The following ARHGEF33 variants were observed in gnomAD, a reference collection of about 807,000 sequenced individuals.
ARHGEF33 encodes the protein DH and coiled-coil domain-containing protein ENSP00000381780.
Under a neutral mutation model 101.9 loss-of-function variants are expected in ARHGEF33, and 72 were observed. The observed-to-expected ratio is 0.71, with a 90% CI of 0.58 to 0.86. The LOEUF is 0.86. ARHGEF33 is among the 40% of genes least tolerant of loss of function. The pLI is 0.00. For synonymous variants in ARHGEF33, 499 were observed against 442.5 expected (o/e 1.13, Z -1.60); for missense variants, 1,169 against 1,111.3 (o/e 1.05, Z -0.74).
chr2:38,966,722 C>T (rs768164169), intron 17 of ARHGEF33, among the ~76,000 whole-genome samples: 24 of 152,192 alleles, frequency 1.6e-4, no homozygotes, highest in Non-Finnish European at 3.2e-4. Flanking sequence ...AGGCATTTTC[C>T]TCCTGTGGTC....
rs929373313 is a variant in ARHGEF33 at position 38,937,142 on chromosome 2, C to A, written c.566-193C>A. The A allele has an allele frequency of 4.2e-5, 21 of 499,990 alleles. 1 individual carries two copies. The East Asian group carries it at 4.4e-4, about 10-fold the overall frequency. The allele number at this position is 499,990 out of a possible 1,614,324, so 31.0% of individuals were successfully genotyped here. A position where few individuals can be genotyped will look rare whatever the true frequency, so the allele number is the denominator to read the frequency against. ...CCTGAGTAGCTGGGACTACAGGTGC[C>A]CGCCACCACGCCCAGCTAATTTTTT... is the stretch of plus-strand genomic sequence containing the variant. On this transcript the variant is annotated intron_variant, in intron 8 of 17. Coordinates refer to ENST00000409978, the MANE Select transcript of ARHGEF33 (RefSeq NM_001145451.5).
At chr2:38,933,334 A>T (rs569331726) in intron 7 of ARHGEF33, among the ~76,000 whole-genome samples, 1 of 152,052 alleles carries the variant, frequency 6.6e-6, no homozygotes, top group African/African-American at 2.4e-5. Flanking sequence ...AGGGCAAGTT[A>T]TCTAAAAGAA....
chr2:38,956,608 G>T (rs1049210859), intron 13 of ARHGEF33, among the ~76,000 whole-genome samples: 1 of 152,148 alleles, frequency 6.6e-6, no homozygotes, highest in African/African-American at 2.4e-5. Flanking sequence ...TTAGAATGCC[G>T]CTATTATTTC....
At chr2:38,967,742 ATTTTTT>A (rs546430517) in intron 17 of ARHGEF33, among the ~76,000 whole-genome samples, 1 of 128,368 alleles carries the variant, frequency 7.8e-6, no homozygotes, top group Non-Finnish European at 1.7e-5. Context: ...CGCCCTGGCT[ATTTTTT>A]TTTTTTTTTT....
chr2:38,950,898 C>A, intron 10 of ARHGEF33, 91 bp from the exon 11 acceptor site: 1 of 1,258,334 alleles, frequency 7.9e-7, no homozygotes, highest in South Asian at 1.5e-5. Context: ...TGTTGGATGG[C>A]TGGGAGAATG....
At chr2:38,915,931 C>T (rs766932990) in intron 2 of ARHGEF33, among the ~76,000 whole-genome samples, 16 of 152,094 alleles carry the variant, frequency 1.1e-4, no homozygotes, top group Non-Finnish European at 1.5e-4. Context: ...GAGGCTGAGG[C>T]AGGTGGGTCC....
intron 12 of ARHGEF33, 84 bp from the exon 13 acceptor site, chr2:38,954,289 T>G: frequency 1.3e-6 from 1 of 794,310 alleles, no homozygotes; most frequent in Non-Finnish European, 2.1e-6. Context: ...AGGAAACCCT[T>G]CCTACCCTGG....
chr2:38,927,652 T>C (rs1380392465), intron 4 of ARHGEF33, among the ~76,000 whole-genome samples: 12 of 152,208 alleles, frequency 7.9e-5, no homozygotes, highest in Non-Finnish European at 2.9e-5. Context: ...GCCAAGATCA[T>C]GCCACTGCAC....
At chr2:38,957,502 A>G (rs532201979) in intron 14 of ARHGEF33, among the ~76,000 whole-genome samples, 1 of 152,348 alleles carries the variant, frequency 6.6e-6, no homozygotes, top group Non-Finnish European at 1.5e-5. Flanking sequence ...TCCTTTTTAG[A>G]GTTGGACAGT....
At chr2:38,941,506 C>G (rs537334464) in intron 9 of ARHGEF33, among the ~76,000 whole-genome samples, 1 of 152,018 alleles carries the variant, frequency 6.6e-6, no homozygotes, top group Non-Finnish European at 1.5e-5. Flanking sequence ...AAGTCCAGTA[C>G]CATTCTGATA....
rs772939186 is a variant in ARHGEF33 at position 38,960,005 on chromosome 2, C to T, written c.1700C>T (p.Ala567Val). 89 of 1,549,554 alleles carry T rather than the reference C, an allele frequency of 5.7e-5. No individual in the cohort carries two copies. In the Admixed American group the frequency reaches 1.3e-3, roughly 22 times the overall value. The change falls in exon 16 of 18, where the codon GCG becomes GTG. Residue 567 changes from alanine (A) to valine (V), a missense_variant. By Grantham distance (64) the Ala-to-Val change is moderately conservative (BLOSUM62 0). Coordinates refer to ENST00000409978, the MANE Select transcript of ARHGEF33 (RefSeq NM_001145451.5). ...TGCGCGGCCGAGCAGGACGTGAAGG[C>T]GCTGGCCGGGCCCCTGCAGGCCATC... ...QFCAAEQDVK[A>V]LAGPLQAIPE...
At chr2:38,893,593 C>G (rs1440771792) in intron 1 of ARHGEF33, among the ~76,000 whole-genome samples, 2 of 152,298 alleles carry the variant, frequency 1.3e-5, no homozygotes, top group East Asian at 1.9e-4. Context: ...GCACTTTACA[C>G]TTTTCTTTTT....
chr2:38,902,870 T>G lies in ARHGEF33; in HGVS notation c.-86+7021T>G, dbSNP rs149580887. Among the ~76,000 whole-genome samples, 626 of 152,050 alleles carry G rather than the reference T, an allele frequency of 4.1e-3. 4 individuals are homozygous for G. The highest frequency in any genetic ancestry group is 0.014 in the African/African-American group (598 of 41,462). ...GAAAAATAAAGCAGTGAAAGGGAGATAGGGTATAGAGGCCAGGACTCCTCT... is the reference window on the plus strand; with the variant it reads ...GAAAAATAAAGCAGTGAAAGGGAGAGAGGGTATAGAGGCCAGGACTCCTCT... On this transcript the variant is annotated intron_variant, in intron 2 of 17. Transcript: ENST00000409978.
intron 2 of ARHGEF33, among the ~76,000 whole-genome samples, chr2:38,904,707 CA>C (rs34383703): frequency 0.26 from 33,816 of 128,222 alleles, 4,213 homozygotes; most frequent in Admixed American, 0.32. Context: ...GACTCTGTAT[CA>C]AAAAAAAAAA....
At chr2:38,933,385 T>C (rs936591182) in intron 7 of ARHGEF33, among the ~76,000 whole-genome samples, 13 of 152,076 alleles carry the variant, frequency 8.5e-5, no homozygotes, top group Admixed American at 3.9e-4. Flanking sequence ...TTGTTTTGTT[T>C]TTTTTTTCTT....
intron 2 of ARHGEF33, among the ~76,000 whole-genome samples, chr2:38,908,726 G>A (rs1040140946): frequency 8.5e-5 from 13 of 152,176 alleles, no homozygotes; most frequent in East Asian, 5.8e-4. Flanking sequence ...GTTGCTGGCC[G>A]TGATGAACAT....
At chr2:38,944,171 G>A in intron 10 of ARHGEF33, 141 bp downstream of exon 10, 1 of 829,794 alleles carries the variant, frequency 1.2e-6, no homozygotes, top group Non-Finnish European at 1.8e-6. Context: ...AGTGATGGCA[G>A]ATGTCTCAGT....
At chr2:38,927,382 A>C (rs1057012507) in intron 4 of ARHGEF33, among the ~76,000 whole-genome samples, 3 of 152,226 alleles carry the variant, frequency 2.0e-5, no homozygotes, top group Non-Finnish European at 4.4e-5. Context: ...TCTGGACTTT[A>C]GTTTTCATTC....
intron 2 of ARHGEF33, among the ~76,000 whole-genome samples, chr2:38,909,982 TTTTA>T (rs1666474278): frequency 6.6e-6 from 1 of 152,138 alleles, no homozygotes; most frequent in Admixed American, 6.5e-5. Context: ...ATAGTTATTT[TTTTA>T]TTTATTTATG....
Sources: gnomAD v4.1 joint callset for allele counts (sites outside exome capture counted in the v4.1 genomes callset) on GRCh38, gnomAD v4.1.1 for gene constraint, MANE v1.5 for transcripts, NCBI Gene and HGNC (gene_info 2026-07-23, HGNC 2026-07-21) for gene names.